Variants in GMDS observed in about 807,000 individuals in gnomAD.
GMDS encodes GDP-mannose 4,6-dehydratase, also known as GDP-mannose 4,6 dehydratase.
A neutral mutation model predicts 49.9 loss-of-function variants in GMDS; 20 were observed. The observed-to-expected ratio is 0.40, with a 90% CI of 0.28 to 0.58. GMDS has a LOEUF of 0.58. Among genes scored for constraint, GMDS ranks in the 20% least tolerant of loss-of-function variants. The pLI is 0.42. For missense variants in GMDS, 362 were observed against 481.4 expected (o/e 0.75, Z 2.32); for synonymous variants, 177 against 178.6 (o/e 0.99, Z 0.07).
chr6:1,915,828 A>G (rs143717337), intron 7 of GMDS, among the ~76,000 whole-genome samples: 1 of 152,378 alleles, frequency 6.6e-6, no homozygotes, highest in East Asian at 1.9e-4. Context: ...CCAGTAGTTC[A>G]TGCATTTTCA....
chr6:2,238,132 A>C (rs977084354), intron 1 of GMDS, among the ~76,000 whole-genome samples: 4 of 151,402 alleles, frequency 2.6e-5, no homozygotes, highest in African/African-American at 9.7e-5. Flanking sequence ...TCACACCTGT[A>C]TTATCAGCAC....
intron 7 of GMDS, among the ~76,000 whole-genome samples, chr6:1,747,454 A>G (rs1350746902): frequency 1.2e-5 from 1 of 82,664 alleles, no homozygotes; most frequent in Non-Finnish European, 2.4e-5. Context: ...CAAAAACCTT[A>G]AAACTACACA....
At chr6:1,824,425 T>C (rs1351890215) in intron 7 of GMDS, among the ~76,000 whole-genome samples, 1 of 152,136 alleles carries the variant, frequency 6.6e-6, no homozygotes, top group African/African-American at 2.4e-5. Context: ...CCGCCCCCCA[T>C]ACAAAATTAA....
At chr6:1,846,485 C>T (rs1375382322) in intron 7 of GMDS, among the ~76,000 whole-genome samples, 1 of 152,070 alleles carries the variant, frequency 6.6e-6, no homozygotes, top group Non-Finnish European at 1.5e-5. Context: ...TAGAGTGAAC[C>T]ATAGTTTATA....
At chr6:2,149,162 AG>A (rs1367752345) in intron 1 of GMDS, among the ~76,000 whole-genome samples, 1 of 152,166 alleles carries the variant, frequency 6.6e-6, no homozygotes, top group Non-Finnish European at 1.5e-5. Flanking sequence ...AAGATGATTA[AG>A]GGCTTTATCT....
At chr6:1,644,496 C>T (rs141125146) in intron 9 of GMDS, among the ~76,000 whole-genome samples, 36 of 152,344 alleles carry the variant, frequency 2.4e-4, no homozygotes, top group Admixed American at 7.2e-4. Flanking sequence ...CACCACCTTG[C>T]ACTTTTTCCT....
intron 4 of GMDS, among the ~76,000 whole-genome samples, chr6:2,036,621 GA>G (rs1346762844): frequency 6.6e-6 from 1 of 152,180 alleles, no homozygotes; most frequent in Non-Finnish European, 1.5e-5. Flanking sequence ...AAAATGCCAA[GA>G]CAGTGTTAAA....
At chr6:2,023,761 C>CA (rs1347150392) in intron 4 of GMDS, among the ~76,000 whole-genome samples, 52 of 152,140 alleles carry the variant, frequency 3.4e-4, no homozygotes, top group African/African-American at 1.2e-3. Flanking sequence ...CTCTAAAAGA[C>CA]AGAGATGAGA....
chr6:1,904,982 GA>G (rs1314995523), intron 7 of GMDS, among the ~76,000 whole-genome samples: 2 of 152,260 alleles, frequency 1.3e-5, no homozygotes, highest in African/African-American at 4.8e-5. Flanking sequence ...AGGGGAAGCA[GA>G]AGAAAGGGGA....
At chr6:1,997,394 G>C (rs1766356104) in intron 4 of GMDS, among the ~76,000 whole-genome samples, 1 of 151,524 alleles carries the variant, frequency 6.6e-6, no homozygotes, top group African/African-American at 2.4e-5. Flanking sequence ...TGTAGTCCCA[G>C]CTACTCAGGA....
At chr6:2,174,868 C>T (rs937745970) in intron 1 of GMDS, among the ~76,000 whole-genome samples, 2 of 151,792 alleles carry the variant, frequency 1.3e-5, no homozygotes, top group Admixed American at 6.6e-5. Context: ...CATGCCTGGC[C>T]GAATGGTGCC....
intron 6 of GMDS, among the ~76,000 whole-genome samples, chr6:1,933,785 T>C (rs527983262): frequency 2.6e-5 from 4 of 152,332 alleles, no homozygotes; most frequent in East Asian, 1.9e-4. Flanking sequence ...TTATCAGCTA[T>C]ATAATTTGCA....
At chr6:1,874,049 T>C (rs150432625) in intron 7 of GMDS, among the ~76,000 whole-genome samples, 86 of 152,276 alleles carry the variant, frequency 5.6e-4, no homozygotes, top group Admixed American at 1.8e-3. Context: ...GACCACTGCC[T>C]CGAACAGGGC....
chr6:2,031,956 A>G (rs1426588433), intron 4 of GMDS, among the ~76,000 whole-genome samples: 1 of 152,210 alleles, frequency 6.6e-6, no homozygotes, highest in Non-Finnish European at 1.5e-5. Context: ...AACATTAGCC[A>G]TTTTTATTAC....
intron 4 of GMDS, among the ~76,000 whole-genome samples, chr6:2,051,039 A>G (rs1770363105): frequency 6.6e-6 from 1 of 152,178 alleles, no homozygotes; most frequent in Non-Finnish European, 1.5e-5. Flanking sequence ...ACAAACCAAC[A>G]TGGCACATGT....
At chr6:2,092,973 T>C (rs911158159) in intron 4 of GMDS, among the ~76,000 whole-genome samples, 16 of 152,224 alleles carry the variant, frequency 1.1e-4, no homozygotes, top group African/African-American at 3.4e-4. Flanking sequence ...CAGCCAGTAG[T>C]TACCAGATTA....
intron 1 of GMDS, among the ~76,000 whole-genome samples, chr6:2,133,785 G>A (rs1193407318): frequency 2.0e-5 from 3 of 152,188 alleles, no homozygotes; most frequent in African/African-American, 7.2e-5. Flanking sequence ...GAAAGGTGCA[G>A]ATCATTAAAC....
intron 4 of GMDS, among the ~76,000 whole-genome samples, chr6:2,039,507 AAC>A (rs1280167159): frequency 6.6e-6 from 1 of 152,168 alleles, no homozygotes; most frequent in African/African-American, 2.4e-5. Flanking sequence ...TGAAAATGTA[AAC>A]ACACTATACA....
At chr6:1,932,025 GC>G (rs1436054666) in intron 6 of GMDS, among the ~76,000 whole-genome samples, 1 of 152,202 alleles carries the variant, frequency 6.6e-6, no homozygotes, top group Non-Finnish European at 1.5e-5. Context: ...AGGGGGGAAA[GC>G]CTTTGGGGTT....
Sources: allele counts gnomAD v4.1 joint callset (sites outside exome capture counted in the v4.1 genomes callset), GRCh38; gene constraint gnomAD v4.1.1; transcripts MANE v1.5; gene names NCBI Gene and HGNC (gene_info 2026-07-23, HGNC 2026-07-21).